CALU: variants seen among roughly 807,000 people sequenced by gnomAD.
CALU encodes calumenin, also known as IEF SSP 9302.
Under a neutral mutation model 37.5 loss-of-function variants are expected in CALU, and 13 were observed. The ratio of observed to expected loss-of-function variants is 0.35; its 90% CI spans 0.23 to 0.55. The LOEUF (loss-of-function observed/expected upper bound fraction) is 0.55. Among genes scored for constraint, CALU ranks in the 20% least tolerant of loss-of-function variants. The pLI, the probability that CALU is intolerant of heterozygous loss-of-function variation, is 0.89. For synonymous variants in CALU, 114 were observed against 133.8 expected, an observed-to-expected ratio of 0.85 and a Z score of 1.02; for missense variants, 282 against 391.7, an observed-to-expected ratio of 0.72 and a Z score of 2.36.
chr7:128,747,879 C>T (rs966401195), intron 1 of CALU: 1 of 154,944 alleles, frequency 6.5e-6, no homozygotes, highest in Non-Finnish European at 1.4e-5. Context: ...GTATTTATGC[C>T]TAGGCAAGTA....
Position 128,754,308 on chromosome 7 carries a change from G to C in CALU, c.268G>C (p.Val90Leu). ...IDGDKDGFVT[V>L]DELKDWIKFA... ...TGGCGACAAGGACGGGTTTGTCACT[G>C]TGGATGAGCTCAAAGACTGGATTAA... is the stretch of plus-strand genomic sequence containing the variant. Residue 90 changes from valine (V) to leucine (L), a missense_variant, in exon 3 of 7, where the codon GTG becomes CTG. Transcript: ENST00000249364. 1 of 1,613,764 alleles carries C rather than the reference G, an allele frequency of 6.2e-7. No homozygotes were observed. Among genetic ancestry groups the C allele is most frequent in the Non-Finnish European group, 8.5e-7 (1 of 1,179,902 alleles).
chr7:128,754,473 G>A lies in CALU; in HGVS notation c.415+18G>A, dbSNP rs763744180. On this transcript the variant is annotated intron_variant, in intron 3 of 6. Transcript: ENST00000249364. ...CGTTTTAGGTAGGTCCCTACTGTCTGGGGGAAAAAGCCTTGTGGAGCTGGC... is the reference window on the plus strand; with the variant it reads ...CGTTTTAGGTAGGTCCCTACTGTCTAGGGGAAAAAGCCTTGTGGAGCTGGC... 1.9e-5 allele frequency: 30 copies of A among 1,608,166 alleles called. No homozygotes were observed. Among genetic ancestry groups the A allele is most frequent in the Middle Eastern group, 1.7e-4 (1 of 6,042 alleles).
chr7:128,743,056 A>G (rs1280167827), intron 1 of CALU, among the ~76,000 whole-genome samples: 1 of 152,226 alleles, frequency 6.6e-6, no homozygotes, highest in African/African-American at 2.4e-5. Context: ...TCAATATGAA[A>G]TGTAACACTT....
chr7:128,759,730 T>C (rs374213769), intron 4 of CALU, 62 bp from the exon 5 acceptor site: 2 of 853,626 alleles, frequency 2.3e-6, no homozygotes, highest in Non-Finnish European at 2.0e-6. Flanking sequence ...CTAGATACTT[T>C]ACTTTCTTCT....
Position 128,759,775 on chromosome 7 carries a change from T to TA in CALU, c.583-16dup, listed in dbSNP as rs1354674472. 8.3e-7 allele frequency: 1 copy of TA among 1,210,504 alleles called. No homozygotes were observed. Among genetic ancestry groups the TA allele is most frequent in the Non-Finnish European group, 1.2e-6 (1 of 813,096 alleles). The allele number at this position is 1,210,504 out of a possible 1,614,324, so 75.0% of individuals were successfully genotyped here. On this transcript the variant is annotated splice_polypyrimidine_tract_variant and intron_variant, in intron 4 of 6. Transcript: ENST00000249364. ...AGAGACCAACTTAATAGTCTCTTCT[T>TA]ATTCTTTCCTGTTTAGGAAACAATG...
At position 128,754,363 on chromosome 7, in the gene CALU, A is replaced by G. The variant is rs990305798; in HGVS notation, c.323A>G (p.Asp108Gly). ...KFAQKRWIYE[D>G]VERQWKGHDL... ...GCACAAAAGCGCTGGATTTACGAGG[A>G]TGTAGAGCGACAGTGGAAGGGGCAT... The change falls in exon 3 of 7, where the codon GAT (aspartate) becomes GGT (glycine). Residue 108 changes from aspartate (D) to glycine (G), a missense_variant. Asp to Gly is a moderately conservative substitution (Grantham distance 94). Coordinates refer to ENST00000249364, the MANE Select transcript of CALU (RefSeq NM_001219.5). The G allele has an allele frequency of 1.2e-6, 2 of 1,614,172 alleles. No individual in the cohort carries two copies. The highest frequency in any genetic ancestry group is 2.7e-5 in the African/African-American group (2 of 75,036).
intron 5 of CALU, among the ~76,000 whole-genome samples, chr7:128,766,299 A>G (rs1045979693): frequency 6.6e-6 from 1 of 151,596 alleles, no homozygotes; most frequent in Non-Finnish European, 1.5e-5. Flanking sequence ...CTAAAACTCA[A>G]TTAGGCCATT....
At chr7:128,768,445 AAGG>A (rs1801414675) in intron 6 of CALU, among the ~76,000 whole-genome samples, 3 of 152,186 alleles carry the variant, frequency 2.0e-5, no homozygotes, top group Non-Finnish European at 4.4e-5. Flanking sequence ...TTTCCTCTAA[AAGG>A]AGAGTTTTCT....
At chr7:128,753,803 A>G (rs1322601908) in intron 2 of CALU, among the ~76,000 whole-genome samples, 1 of 152,194 alleles carries the variant, frequency 6.6e-6, no homozygotes, top group East Asian at 1.9e-4. Flanking sequence ...TGATGTAACT[A>G]TTTTGAATTT....
chr7:128,772,564 C>A lies in CALU; in HGVS notation c.*3397C>A, dbSNP rs140568559. 1.2e-3 allele frequency: 1,952 copies of A among 1,614,140 alleles called. 7 individuals carry two copies. The highest frequency in any genetic ancestry group is 7.9e-3 in the Middle Eastern group (48 of 6,062). ...CTCAGTTGGGGCCAACTTGGGTAGA[C>A]GAGACAGTAGAAACTTCTGTTTTCT... On this transcript the variant is annotated 3_prime_UTR_variant, in exon 7 of 7. Transcript: ENST00000249364.
chr7:128,751,350 A>T (rs1367341597), intron 2 of CALU, among the ~76,000 whole-genome samples: 1 of 151,962 alleles, frequency 6.6e-6, no homozygotes, highest in Non-Finnish European at 1.5e-5. Context: ...GCAGTTCATT[A>T]TCCTTTTGGG....
intron 3 of CALU, 47 bp from the exon 4 acceptor site, chr7:128,758,824 G>T: frequency 7.4e-7 from 1 of 1,351,688 alleles, no homozygotes; most frequent in Non-Finnish European, 1.0e-6. Flanking sequence ...ACATTTTCAT[G>T]TTTTCTGAAA....
Position 128,769,327 on chromosome 7 carries a change from G to GGACT in CALU, c.*162_*165dup, listed in dbSNP as rs1290573670. On this transcript the variant is annotated 3_prime_UTR_variant, in exon 7 of 7. Coordinates refer to ENST00000249364, the MANE Select transcript of CALU (RefSeq NM_001219.5). Reference sequence around the variant, plus strand: ...GTCCCCATTCCTCCTCCTCTCTGAGGGACTGGAGGGAAGCCGTGCTTCTGA... The same window carrying GGACT: ...GTCCCCATTCCTCCTCCTCTCTGAGGGACTGACTGGAGGGAAGCCGTGCTTCTGA... The GGACT allele has an allele frequency of 5.7e-6, 3 of 522,500 alleles. No individual in the cohort carries two copies. Among genetic ancestry groups the GGACT allele is most frequent in the African/African-American group, 3.8e-5 (2 of 52,182 alleles). The allele number at this position is 522,500 out of a possible 1,614,324, so 32.4% of individuals were successfully genotyped here. A position where few individuals can be genotyped will look rare whatever the true frequency, so the allele number is the denominator to read the frequency against.
chr7:128,746,747 C>T (rs113011430), intron 1 of CALU, among the ~76,000 whole-genome samples: 4 of 151,124 alleles, frequency 2.6e-5, no homozygotes, highest in Admixed American at 6.6e-5. Flanking sequence ...CCACCACCCC[C>T]GGCCTCATGT....
rs1293887988 is a variant in CALU, at chr7:128,770,724, G to A, written c.*1557G>A. The A allele has an allele frequency of 1.3e-5, 2 of 152,514 alleles. No homozygotes were observed. The highest frequency in any genetic ancestry group is 2.9e-5 in the Non-Finnish European group (2 of 68,036). The allele number at this position is 152,514 out of a possible 1,614,324, so 9.4% of individuals were successfully genotyped here. A position where few individuals can be genotyped will look rare whatever the true frequency, so the allele number is the denominator to read the frequency against. On this transcript the variant is annotated 3_prime_UTR_variant, in exon 7 of 7. Transcript: ENST00000249364. Reference sequence around the variant, plus strand: ...ATGCAACACAAACACTGTCCTTTTGGGTCCCTTTCTTACAGATGGACCTCT... The same window carrying A: ...ATGCAACACAAACACTGTCCTTTTGAGTCCCTTTCTTACAGATGGACCTCT...
chr7:128,758,726 C>A, intron 3 of CALU, 145 bp from the exon 4 acceptor site: 1 of 613,230 alleles, frequency 1.6e-6, no homozygotes. Flanking sequence ...AACTAAATGT[C>A]TTTGTACTGC....
chr7:128,754,752 A>G, intron 3 of CALU: 1 of 1,470,648 alleles, frequency 6.8e-7, no homozygotes, highest in Non-Finnish European at 9.2e-7. Flanking sequence ...CCTGGCAGGG[A>G]CCGTGGTCTT....
At position 128,758,852 on chromosome 7, in the gene CALU, C is replaced by T; in HGVS notation, c.416-19C>T. The T allele has an allele frequency of 5.1e-6, 8 of 1,572,776 alleles. No homozygotes were observed. Among genetic ancestry groups the T allele is most frequent in the South Asian group, 1.2e-5 (1 of 86,540 alleles). ...TTCTGAAAGTCTTTTAAGATTTGAC[C>T]TAAATTTTTGTTTTCTAGATGATCC... On this transcript the variant is annotated intron_variant, in intron 3 of 6. Transcript: ENST00000249364.
intron 6 of CALU, 33 bp downstream of exon 6, chr7:128,767,688 T>A (rs1385572984): frequency 2.6e-6 from 4 of 1,546,862 alleles, no homozygotes; most frequent in Admixed American, 3.4e-5. Flanking sequence ...GCTCTATCCT[T>A]GATTGAAGTA....
Sources: allele counts gnomAD v4.1 joint callset (sites outside exome capture counted in the v4.1 genomes callset), GRCh38; gene constraint gnomAD v4.1.1; transcripts MANE v1.5; gene names NCBI Gene and HGNC (gene_info 2026-07-23, HGNC 2026-07-21).